BRD4: variants seen among roughly 807,000 people sequenced by gnomAD.
The protein encoded by BRD4 is bromodomain-containing protein 4.
In BRD4, 16 loss-of-function variants were observed where a neutral mutation model predicts 142.1. The observed-to-expected ratio is 0.11, with a 90% CI of 0.08 to 0.17. BRD4 has a LOEUF of 0.17. Ranked by LOEUF, BRD4 falls within the 10% of genes least tolerant of loss-of-function variation. BRD4 has a pLI of 1.00. For synonymous variants in BRD4, 833 were observed against 707.5 expected (o/e 1.18, Z -2.82); for missense variants, 1,424 against 1,810.9 (o/e 0.79, Z 3.88).
chr19:15,284,283 C>T (rs944301754), intron 1 of BRD4, among the ~76,000 whole-genome samples: 1 of 152,128 alleles, frequency 6.6e-6, no homozygotes, highest in Admixed American at 6.6e-5. Context: ...GGAGGAACGG[C>T]ATCACTTTTC....
intron 7 of BRD4, among the ~76,000 whole-genome samples, chr19:15,259,051 G>C (rs1000298968): frequency 6.6e-6 from 1 of 152,172 alleles, no homozygotes; most frequent in Admixed American, 6.5e-5. Flanking sequence ...AGGCCCCAGT[G>C]AGAGAGTAAG....
chr19:15,238,069 A>C lies in BRD4; in HGVS notation c.*308T>G. On this transcript the variant is annotated 3_prime_UTR_variant, in exon 20 of 20. Transcript: ENST00000679869. The surrounding 1 kb of genome is among the most constrained non-coding windows in gnomAD (Gnocchi z 7.2). The stretch of plus-strand genomic sequence containing the variant: ...TACTGTGTAGACATTTGGCGGAGAG[A>C]AGGGCCTCTGCCCCGCATGTGGGGA... 1 of 425,356 alleles carries C rather than the reference A, an allele frequency of 2.4e-6. No homozygotes were observed. Among genetic ancestry groups the C allele is most frequent in the Non-Finnish European group, 4.3e-6 (1 of 232,626 alleles). The allele number at this position is 425,356 out of a possible 1,614,324, so 26.3% of individuals were successfully genotyped here.
At chr19:15,251,778 C>A (rs1401198401) in intron 11 of BRD4, among the ~76,000 whole-genome samples, 1 of 152,224 alleles carries the variant, frequency 6.6e-6, no homozygotes, top group East Asian at 1.9e-4. Context: ...ACCCTGCCGG[C>A]CCACGACAGA....
Position 15,238,823 on chromosome 19 carries a change from TCTGGGC to T in BRD4, c.3934_3939del (p.Ala1312_Gln1313del), listed in dbSNP as rs2047213932. ...TCCAGCATGGACTGGGGCTGGGAGC[TCTGGGC>T]CTGTGGGGTGGCGGCGGCAGCCACC... On this transcript the variant is annotated inframe_deletion, in exon 19 of 20. Transcript: ENST00000679869. The surrounding 1 kb of genome is among the most constrained non-coding windows in gnomAD (Gnocchi z 7.2). The T allele has an allele frequency of 6.2e-7, 1 of 1,604,394 alleles. No homozygotes were observed. Among genetic ancestry groups the T allele is most frequent in the Non-Finnish European group, 8.5e-7 (1 of 1,175,204 alleles).
intron 11 of BRD4, chr19:15,249,116 TG>T: frequency 8.4e-7 from 1 of 1,187,870 alleles, no homozygotes; most frequent in Non-Finnish European, 1.2e-6. Context: ...CGTGTGCTGC[TG>T]GACATGACTA....
At chr19:15,250,029 G>A (rs955724813) in intron 11 of BRD4, among the ~76,000 whole-genome samples, 3 of 152,152 alleles carry the variant, frequency 2.0e-5, no homozygotes, top group South Asian at 2.1e-4. Flanking sequence ...GAGGGGCACT[G>A]GGCTTGTTCC....
At chr19:15,276,641 C>T (rs1364516342) in intron 1 of BRD4, among the ~76,000 whole-genome samples, 1 of 152,110 alleles carries the variant, frequency 6.6e-6, no homozygotes, top group Non-Finnish European at 1.5e-5. Flanking sequence ...AGGAGGTGAA[C>T]CCTTAGTGAC....
chr19:15,269,174 A>C (rs1401821810), intron 2 of BRD4, 132 bp from the exon 3 acceptor site: 1 of 967,492 alleles, frequency 1.0e-6, no homozygotes. Flanking sequence ...CACAGCTCCT[A>C]CTGGCATCAG....
At chr19:15,309,233 T>TG (rs987327755) in intron 1 of BRD4, among the ~76,000 whole-genome samples, 6 of 147,618 alleles carry the variant, frequency 4.1e-5, no homozygotes, top group African/African-American at 1.5e-4. Flanking sequence ...CTCGGGAGGC[T>TG]GAGGCAGGAG....
At chr19:15,270,827 C>G (rs2047579301) in intron 2 of BRD4, among the ~76,000 whole-genome samples, 1 of 152,152 alleles carries the variant, frequency 6.6e-6, no homozygotes, top group African/African-American at 2.4e-5. Flanking sequence ...TGGCTCAGCC[C>G]CCACCAAATG....
At chr19:15,253,663 G>A (rs1275420871) in intron 11 of BRD4, 3 of 1,598,214 alleles carry the variant, frequency 1.9e-6, no homozygotes, top group Non-Finnish European at 2.5e-6. Flanking sequence ...CGGCTGGCCA[G>A]CTGCAGTCTG....
At position 15,238,352 on chromosome 19, in the gene BRD4, A is replaced by C. The variant is rs530582261; in HGVS notation, c.*25T>G. On this transcript the variant is annotated 3_prime_UTR_variant, in exon 20 of 20. Transcript: ENST00000679869. The surrounding 1 kb of genome is among the most constrained non-coding windows in gnomAD (Gnocchi z 7.2). Reference sequence around the variant, plus strand: ...AAAGTCAATGTTTTGCCAGAAAATCAAAGTCAGAAGCCACCTAGGTGCGCT... The same window carrying C: ...AAAGTCAATGTTTTGCCAGAAAATCCAAGTCAGAAGCCACCTAGGTGCGCT... The C allele has an allele frequency of 5.0e-6, 8 of 1,613,730 alleles. No individual in the cohort carries two copies. Among genetic ancestry groups the C allele is most frequent in the Admixed American group, 3.3e-5 (2 of 59,966 alleles).
chr19:15,318,699 T>C (rs1213774715), intron 1 of BRD4, among the ~76,000 whole-genome samples: 1 of 152,194 alleles, frequency 6.6e-6, no homozygotes. Flanking sequence ...CTAGGAACCA[T>C]TCAGTTACCT....
At chr19:15,242,536 C>G (rs2047246331) in intron 14 of BRD4, among the ~76,000 whole-genome samples, 1 of 152,144 alleles carries the variant, frequency 6.6e-6, no homozygotes, top group Non-Finnish European at 1.5e-5. Context: ...AAGTTAGCTG[C>G]TACCTGTCTG....
chr19:15,239,552 C>G lies in BRD4; in HGVS notation c.3446-30G>C, dbSNP rs946602520. ...AACATAAACAGCCGGTGGGCCCTGGCCCACCTCACCCCAGTGGGGCATGGT... is the reference window on the plus strand; with the variant it reads ...AACATAAACAGCCGGTGGGCCCTGGGCCACCTCACCCCAGTGGGGCATGGT... On this transcript the variant is annotated intron_variant, in intron 16 of 19. Transcript: ENST00000679869. The surrounding 1 kb of genome is among the most constrained non-coding windows in gnomAD (Gnocchi z 7.4). The G allele has an allele frequency of 5.7e-6, 9 of 1,589,580 alleles. No individual in the cohort carries two copies. The highest frequency in any genetic ancestry group is 6.8e-6 in the Non-Finnish European group (8 of 1,170,866).
intron 14 of BRD4, among the ~76,000 whole-genome samples, chr19:15,242,275 G>A (rs1401756639): frequency 6.6e-6 from 1 of 152,176 alleles, no homozygotes; most frequent in East Asian, 1.9e-4. Flanking sequence ...AGGAGGCACT[G>A]ACCAGAACAT....
chr19:15,263,322 T>G (rs562442741), intron 7 of BRD4, 98 bp downstream of exon 7: 2 of 1,424,428 alleles, frequency 1.4e-6, no homozygotes, highest in Non-Finnish European at 1.9e-6. Flanking sequence ...CCAAGGAAAG[T>G]GACAGAAAAA....
chr19:15,238,199 A>G lies in BRD4; in HGVS notation c.*178T>C. The G allele has an allele frequency of 1.0e-6, 1 of 1,000,518 alleles. No individual in the cohort carries two copies. The highest frequency in any genetic ancestry group is 1.7e-5 in the South Asian group (1 of 58,654). 62.0% of individuals were successfully genotyped at this position (1,000,518 alleles called of 1,614,324 possible). A position where few individuals can be genotyped will look rare whatever the true frequency, so the allele number is the denominator to read the frequency against. ...CGGGACGTCTGTCCGACTGGCCGTA[A>G]GGCAGACAGGCTCTGCAATCCTCAG... On this transcript the variant is annotated 3_prime_UTR_variant, in exon 20 of 20. Coordinates refer to ENST00000679869, the MANE Select transcript of BRD4 (RefSeq NM_001379291.1). The surrounding 1 kb of genome is among the most constrained non-coding windows in gnomAD (Gnocchi z 7.2).
intron 7 of BRD4, 70 bp from the exon 8 acceptor site, chr19:15,257,243 A>T: frequency 7.0e-7 from 1 of 1,421,488 alleles, no homozygotes; most frequent in East Asian, 2.4e-5. Context: ...ACCTGCCCTC[A>T]TTGGCTGCTG....
Sources: gnomAD v4.1 joint callset for allele counts (sites outside exome capture counted in the v4.1 genomes callset) on GRCh38, gnomAD v4.1.1 for gene constraint, Gnocchi (gnomAD v3.1) non-coding constraint, MANE v1.5 for transcripts, NCBI Gene and HGNC (gene_info 2026-07-23, HGNC 2026-07-21) for gene names.